Variants in EFCAB10 observed in about 807,000 individuals in gnomAD.
The protein encoded by EFCAB10 is EF-hand calcium-binding domain-containing protein 10.
Under a neutral mutation model 7.7 loss-of-function variants are expected in EFCAB10, and 7 were observed. That is an observed-to-expected ratio of 0.91 (90% CI 0.52 to 1.72). The LOEUF is 1.72. Ranked by LOEUF, EFCAB10 falls within the 40% of genes most tolerant of loss-of-function variation. The pLI, the probability that EFCAB10 is intolerant of heterozygous loss-of-function variation, is 0.00. For missense variants in EFCAB10, 112 were observed against 61.5 expected, an observed-to-expected ratio of 1.82 and a Z score of -2.74; for synonymous variants, 52 against 21.0, an observed-to-expected ratio of 2.47 and a Z score of -4.03.
intron 1 of EFCAB10, among the ~76,000 whole-genome samples, chr7:105,577,697 G>A (rs953156404): frequency 6.6e-6 from 1 of 151,612 alleles, no homozygotes. Flanking sequence ...TGGCTGCCAT[G>A]GTGCTTTTGT....
chr7:105,576,374 T>C (rs1047485867), intron 1 of EFCAB10, among the ~76,000 whole-genome samples: 9 of 152,256 alleles, frequency 5.9e-5, no homozygotes, highest in African/African-American at 2.2e-4. Flanking sequence ...TCTGGCTCAG[T>C]GTTTCTGTAC....
Position 105,565,172 on chromosome 7 carries a change from T to C in EFCAB10, c.*275A>G. On this transcript the variant is annotated 3_prime_UTR_variant, in exon 5 of 5. Transcript: ENST00000480514. Reference sequence around the variant, plus strand: ...ATGTTAGGCTGTATATTTTTTCTTATCCAAAATGCCCTAGGACAGAACACT... The same window carrying C: ...ATGTTAGGCTGTATATTTTTTCTTACCCAAAATGCCCTAGGACAGAACACT... The C allele has an allele frequency of 1.1e-6, 1 of 921,856 alleles. No individual in the cohort carries two copies. Among genetic ancestry groups the C allele is most frequent in the Non-Finnish European group, 1.6e-6 (1 of 636,176 alleles). 57.1% of individuals were successfully genotyped at this position (921,856 alleles called of 1,614,324 possible). A position where few individuals can be genotyped will look rare whatever the true frequency, so the allele number is the denominator to read the frequency against.
chr7:105,575,759 T>G (rs914020617), intron 1 of EFCAB10, among the ~76,000 whole-genome samples: 1 of 152,152 alleles, frequency 6.6e-6, no homozygotes, highest in Admixed American at 6.6e-5. Context: ...GGGCTTCAGC[T>G]GGGTGCGGTG....
chr7:105,576,718 A>G (rs1792090210), intron 1 of EFCAB10, among the ~76,000 whole-genome samples: 1 of 152,128 alleles, frequency 6.6e-6, no homozygotes, highest in Non-Finnish European at 1.5e-5. Context: ...TGCTGGGATT[A>G]CAGGTGTGAG....
intron 1 of EFCAB10, among the ~76,000 whole-genome samples, chr7:105,570,268 TACACACACACACAC>T (rs1554369774): frequency 1.5e-5 from 1 of 66,428 alleles, no homozygotes; most frequent in African/African-American, 6.3e-5. Context: ...TATATATATA[TACACACACACACAC>T]ATACATATAC....
At chr7:105,572,787 C>T (rs933494544) in intron 1 of EFCAB10, 2 of 152,316 alleles carry the variant, frequency 1.3e-5, no homozygotes, top group Non-Finnish European at 2.9e-5. Context: ...CCTCGGCCTT[C>T]TGAGTAGCTG....
At chr7:105,575,299 A>G (rs1792050389) in intron 1 of EFCAB10, among the ~76,000 whole-genome samples, 1 of 152,026 alleles carries the variant, frequency 6.6e-6, no homozygotes, top group Non-Finnish European at 1.5e-5. Context: ...ACATAAATAT[A>G]TATACACATA....
chr7:105,570,513 A>G (rs895720676), intron 1 of EFCAB10, among the ~76,000 whole-genome samples: 5 of 151,806 alleles, frequency 3.3e-5, no homozygotes, highest in African/African-American at 1.2e-4. Flanking sequence ...AGCAGTTTGG[A>G]TGGTATATAC....
intron 1 of EFCAB10, among the ~76,000 whole-genome samples, chr7:105,574,508 G>A (rs934278700): frequency 5.3e-5 from 8 of 151,078 alleles, no homozygotes; most frequent in East Asian, 2.0e-4. Flanking sequence ...TTTTTGAGAC[G>A]GAATCTCGCT....
At chr7:105,572,854 T>G (rs1288743749) in intron 1 of EFCAB10, 2 of 152,136 alleles carry the variant, frequency 1.3e-5, no homozygotes, top group Non-Finnish European at 2.9e-5. Context: ...ATAACAGCCT[T>G]TCTAACAGGT....
At chr7:105,580,949 G>T (rs533690768) in intron 1 of EFCAB10, among the ~76,000 whole-genome samples, 3 of 152,294 alleles carry the variant, frequency 2.0e-5, no homozygotes, top group Non-Finnish European at 4.4e-5. Context: ...GCCGTGCGCG[G>T]TGGCTCACGC....
chr7:105,568,060 A>AT (rs1233609193), intron 3 of EFCAB10, among the ~76,000 whole-genome samples: 1 of 152,200 alleles, frequency 6.6e-6, no homozygotes, highest in Non-Finnish European at 1.5e-5. Context: ...TTTCTCACAA[A>AT]TGCCCTTCTA....
Sources: allele counts gnomAD v4.1 joint callset (sites outside exome capture counted in the v4.1 genomes callset), GRCh38; gene constraint gnomAD v4.1.1; transcripts MANE v1.5; gene names NCBI Gene and HGNC (gene_info 2026-07-23, HGNC 2026-07-21).